The following BBOX1 variants were observed in gnomAD, a reference collection of about 807,000 sequenced individuals.
BBOX1 encodes gamma-butyrobetaine hydroxylase 1, also known as gamma-butyrobetaine dioxygenase.
Under a neutral mutation model 41.6 loss-of-function variants are expected in BBOX1, and 35 were observed. The ratio of observed to expected loss-of-function variants is 0.84; its 90% CI spans 0.64 to 1.11. The LOEUF is 1.11. BBOX1 is among the 50% of genes most tolerant of loss of function. BBOX1 has a pLI of 0.00. For synonymous variants in BBOX1, 163 were observed against 154.7 expected, an observed-to-expected ratio of 1.05 and a Z score of -0.40; for missense variants, 458 against 460.6, an observed-to-expected ratio of 0.99 and a Z score of 0.05.
At chr11:27,043,103 G>C (rs1029246120) in intron 2 of BBOX1, among the ~76,000 whole-genome samples, 5 of 151,170 alleles carry the variant, frequency 3.3e-5, no homozygotes, top group African/African-American at 9.7e-5. Flanking sequence ...TCACTCTGTC[G>C]CCCAGGCTGG....
intron 4 of BBOX1, among the ~76,000 whole-genome samples, chr11:27,074,514 G>A (rs1203046814): frequency 6.6e-6 from 1 of 152,084 alleles, no homozygotes; most frequent in African/African-American, 2.4e-5. Flanking sequence ...GATGGAGATG[G>A]GAAATTTACT....
intron 4 of BBOX1, among the ~76,000 whole-genome samples, chr11:27,084,055 G>C (rs1172123974): frequency 6.6e-6 from 1 of 152,084 alleles, no homozygotes; most frequent in Non-Finnish European, 1.5e-5. Flanking sequence ...GAGACAGCAT[G>C]CTTGGCCAGC....
chr11:27,117,845 A>G (rs958555972), intron 6 of BBOX1, among the ~76,000 whole-genome samples: 1 of 151,924 alleles, frequency 6.6e-6, no homozygotes, highest in Non-Finnish European at 1.5e-5. Flanking sequence ...TAAGGTAGAC[A>G]AGATTGATCA....
chr11:27,081,531 T>A (rs571881194), intron 4 of BBOX1, among the ~76,000 whole-genome samples: 1 of 152,316 alleles, frequency 6.6e-6, no homozygotes, highest in South Asian at 2.1e-4. Flanking sequence ...TGCATGTGTC[T>A]TTATAGTAGA....
At chr11:27,094,385 A>G (rs1858360885) in intron 5 of BBOX1, among the ~76,000 whole-genome samples, 1 of 151,984 alleles carries the variant, frequency 6.6e-6, no homozygotes, top group Non-Finnish European at 1.5e-5. Flanking sequence ...TACAACTGGA[A>G]GCACACGAGC....
intron 2 of BBOX1, among the ~76,000 whole-genome samples, chr11:27,050,742 C>T (rs962262043): frequency 8.5e-5 from 13 of 152,060 alleles, no homozygotes; most frequent in African/African-American, 2.9e-4. Flanking sequence ...TTTCTGCAGT[C>T]TTTAGGGTTT....
At chr11:27,105,781 CAT>C in intron 5 of BBOX1, among the ~76,000 whole-genome samples, 1 of 152,174 alleles carries the variant, frequency 6.6e-6, no homozygotes, top group African/African-American at 2.4e-5. Flanking sequence ...CTCCAAGACA[CAT>C]AACTGTCAGA....
chr11:27,059,656 T>C (rs1362757776), intron 4 of BBOX1, among the ~76,000 whole-genome samples: 3 of 152,164 alleles, frequency 2.0e-5, no homozygotes, highest in South Asian at 2.1e-4. Flanking sequence ...TGCAAAGCCA[T>C]AGGGGCAGAG....
At chr11:27,114,542 G>T (rs1050603529) in intron 5 of BBOX1, among the ~76,000 whole-genome samples, 1 of 151,680 alleles carries the variant, frequency 6.6e-6, no homozygotes, top group Non-Finnish European at 1.5e-5. Context: ...TTGGCATAAG[G>T]ATAGACAAAT....
chr11:27,055,696 T>C (rs747745913), intron 3 of BBOX1, 47 bp downstream of exon 3: 10 of 1,530,364 alleles, frequency 6.5e-6, no homozygotes, highest in Middle Eastern at 1.7e-4. Context: ...AGTTCAATAA[T>C]GGGGCTAGTC....
chr11:27,124,367 CTGA>C (rs1859570305), intron 7 of BBOX1, among the ~76,000 whole-genome samples: 1 of 152,174 alleles, frequency 6.6e-6, no homozygotes, highest in African/African-American at 2.4e-5. Flanking sequence ...ATAAAGTTGA[CTGA>C]CACTTTAAGA....
At chr11:27,119,870 A>G (rs1469632310) in intron 7 of BBOX1, 25 bp downstream of exon 7, 3 of 1,279,292 alleles carry the variant, frequency 2.3e-6, no homozygotes, top group African/African-American at 1.5e-5. Flanking sequence ...TAAATTTCCC[A>G]TAGCAATAAA....
chr11:27,090,524 G>A (rs1465387348), intron 4 of BBOX1, among the ~76,000 whole-genome samples: 3 of 151,984 alleles, frequency 2.0e-5, no homozygotes, highest in African/African-American at 7.2e-5. Flanking sequence ...AAGGGCAAAA[G>A]CAGAACTACT....
At chr11:27,096,469 T>G (rs1420405593) in intron 5 of BBOX1, among the ~76,000 whole-genome samples, 1 of 151,994 alleles carries the variant, frequency 6.6e-6, no homozygotes, top group Non-Finnish European at 1.5e-5. Flanking sequence ...TTGCTCTCCA[T>G]GCAGATTTTT....
At chr11:27,092,948 A>G (rs1484476560) in intron 4 of BBOX1, among the ~76,000 whole-genome samples, 1 of 151,946 alleles carries the variant, frequency 6.6e-6, no homozygotes, top group Non-Finnish European at 1.5e-5. Context: ...AATACCTGCT[A>G]TGGGCCAGAC....
At chr11:27,101,031 C>A (rs1026347004) in intron 5 of BBOX1, among the ~76,000 whole-genome samples, 1 of 152,066 alleles carries the variant, frequency 6.6e-6, no homozygotes, top group Admixed American at 6.6e-5. Context: ...TGAGAAGAAT[C>A]ATTAACCCAT....
At position 27,056,343 on chromosome 11, in the gene BBOX1, C is replaced by T. The variant is rs545765826; in HGVS notation, c.219+694C>T. The stretch of plus-strand genomic sequence containing the variant: ...GGCGATCTCAGCTCACTGCAACTTC[C>T]GCCTCCCGGGTTCAAGCAATTCTCC... On this transcript the variant is annotated intron_variant, in intron 3 of 8. Transcript: ENST00000263182. Among the ~76,000 whole-genome samples, 39 of 152,136 alleles carry T rather than the reference C, an allele frequency of 2.6e-4. 1 individual carries two copies. Among genetic ancestry groups the T allele is most frequent in the African/African-American group, 8.0e-4 (33 of 41,508 alleles).
intron 4 of BBOX1, among the ~76,000 whole-genome samples, chr11:27,078,352 T>G (rs370256618): frequency 6.6e-6 from 1 of 152,248 alleles, no homozygotes; most frequent in African/African-American, 2.4e-5. Flanking sequence ...CTTTAAGTTT[T>G]GAGGTACATG....
chr11:27,103,743 T>C (rs142998199), intron 5 of BBOX1, among the ~76,000 whole-genome samples: 96 of 152,152 alleles, frequency 6.3e-4, no homozygotes, highest in African/African-American at 2.1e-3. Context: ...ATCTTTTTTA[T>C]TGGGGGTGGC....
Sources: allele counts gnomAD v4.1 joint callset (sites outside exome capture counted in the v4.1 genomes callset), GRCh38; gene constraint gnomAD v4.1.1; transcripts MANE v1.5; gene names NCBI Gene and HGNC (gene_info 2026-07-23, HGNC 2026-07-21).